The following IMMP2L variants were observed in gnomAD, a reference collection of about 807,000 sequenced individuals.
IMMP2L encodes the protein inner mitochondrial membrane peptidase subunit 2.
Under a neutral mutation model 19.3 loss-of-function variants are expected in IMMP2L, and 18 were observed. That is an observed-to-expected ratio of 0.93 (90% CI 0.64 to 1.38). The LOEUF is 1.38. Ranked by LOEUF, IMMP2L falls within the 40% of genes most tolerant of loss-of-function variation. IMMP2L has a pLI of 0.00. For missense variants in IMMP2L, 233 were observed against 218.2 expected (o/e 1.07, Z -0.43); for synonymous variants, 76 against 73.0 (o/e 1.04, Z -0.21).
At chr7:111,331,070 C>G (rs1027921461) in intron 3 of IMMP2L, among the ~76,000 whole-genome samples, 11 of 151,894 alleles carry the variant, frequency 7.2e-5, no homozygotes, top group African/African-American at 1.4e-4. Flanking sequence ...AGCAATCCCA[C>G]TTCTGGGTGT....
intron 5 of IMMP2L, among the ~76,000 whole-genome samples, chr7:110,790,525 G>A (rs1800392157): frequency 6.6e-6 from 1 of 151,682 alleles, no homozygotes; most frequent in Non-Finnish European, 1.5e-5. Context: ...AATGACAGAG[G>A]TACCTAAGGT....
In IMMP2L at chr7:110,760,732, A is replaced by T. The variant is rs761014617; in HGVS notation, c.409-97011T>A. On this transcript the variant is annotated intron_variant, in intron 5 of 5. Coordinates refer to ENST00000405709, the MANE Select transcript of IMMP2L (RefSeq NM_032549.4). This position sits in a 1 kb window ranked among gnomAD's most constrained non-coding sequence, Gnocchi z 4.2. ...ATTTCAAAATCTCTCATAGCACTTCAATACCTGGAATATCTCAAAAGGTTT... is the reference window on the plus strand; with the variant it reads ...ATTTCAAAATCTCTCATAGCACTTCTATACCTGGAATATCTCAAAAGGTTT... Among the ~76,000 whole-genome samples the T allele has an allele frequency of 2.0e-5, 3 of 152,134 alleles. No homozygotes were observed. Among genetic ancestry groups the T allele is most frequent in the Non-Finnish European group, 4.4e-5 (3 of 68,026 alleles).
intron 3 of IMMP2L, among the ~76,000 whole-genome samples, chr7:111,310,832 C>T (rs1823435036): frequency 6.6e-6 from 1 of 152,102 alleles, no homozygotes; most frequent in Non-Finnish European, 1.5e-5. Flanking sequence ...ACAAGAATGA[C>T]TGGCTCTAGT....
At chr7:111,515,158 G>C (rs1008104565) in intron 2 of IMMP2L, among the ~76,000 whole-genome samples, 1 of 152,048 alleles carries the variant, frequency 6.6e-6, no homozygotes, top group African/African-American at 2.4e-5. Flanking sequence ...ATTCTATAAG[G>C]CCTGGTTGCA....
chr7:110,918,076 A>T (rs1014333096), intron 4 of IMMP2L, among the ~76,000 whole-genome samples: 11 of 152,178 alleles, frequency 7.2e-5, no homozygotes, highest in African/African-American at 2.4e-4. Context: ...AAATTAATGA[A>T]ATATCCCAAT....
chr7:111,392,818 A>G (rs373501217), intron 3 of IMMP2L: 8 of 456,504 alleles, frequency 1.8e-5, no homozygotes, highest in Non-Finnish European at 3.1e-5. Context: ...TGGTGCATTA[A>G]AAGTACCACA....
chr7:110,732,707 G>T (rs187210345), intron 5 of IMMP2L, among the ~76,000 whole-genome samples: 50 of 152,166 alleles, frequency 3.3e-4, no homozygotes, highest in Non-Finnish European at 5.3e-4. Context: ...TGCAGAACAA[G>T]CTACTACATA....
At chr7:111,198,485 T>G (rs532921860) in intron 3 of IMMP2L, among the ~76,000 whole-genome samples, 3 of 152,232 alleles carry the variant, frequency 2.0e-5, no homozygotes, top group Non-Finnish European at 1.5e-5. Flanking sequence ...ACAACATGGG[T>G]GTACCAGGTC....
intron 3 of IMMP2L, among the ~76,000 whole-genome samples, chr7:111,277,132 A>G (rs1055953411): frequency 6.6e-6 from 1 of 152,170 alleles, no homozygotes; most frequent in African/African-American, 2.4e-5. Flanking sequence ...ATTAAACTAA[A>G]AAGCTTCTGC....
intron 3 of IMMP2L, among the ~76,000 whole-genome samples, chr7:110,999,962 G>A (rs1823487061): frequency 6.6e-6 from 1 of 152,190 alleles, no homozygotes; most frequent in Non-Finnish European, 1.5e-5. Flanking sequence ...TCAATTGGCA[G>A]AGTAAGAAGA....
chr7:110,669,979 T>G (rs1363371190), intron 5 of IMMP2L, among the ~76,000 whole-genome samples: 1 of 152,192 alleles, frequency 6.6e-6, no homozygotes, highest in Non-Finnish European at 1.5e-5. Context: ...CATCAATAAG[T>G]AAGTACACAT....
intron 5 of IMMP2L, among the ~76,000 whole-genome samples, chr7:110,816,198 T>C (rs1802500093): frequency 6.6e-6 from 1 of 152,138 alleles, no homozygotes. Flanking sequence ...AGAACATCTT[T>C]ATTTCTGCCT....
chr7:111,281,202 GAAAGAAAGAAAGAAAA>G lies in IMMP2L; in HGVS notation c.239+206020_239+206035del, dbSNP rs1422150357. On this transcript the variant is annotated intron_variant, in intron 3 of 5. Coordinates refer to ENST00000405709, the MANE Select transcript of IMMP2L (RefSeq NM_032549.4). ...AGAAAGAAAGAAAGAAAGAAAGAAAGAAAGAAAGAAAGAAAAAGAAAGAAAGAAAGAAAGAAAGAAA... is the reference window on the plus strand; with the variant it reads ...AGAAAGAAAGAAAGAAAGAAAGAAAGAGAAAGAAAGAAAGAAAGAAAGAAA... Among the ~76,000 whole-genome samples the G allele has an allele frequency of 2.4e-3, 101 of 42,346 alleles. 3 individuals carry two copies. The East Asian group carries it at 0.035, about 15-fold the overall frequency. 27.8% of individuals were successfully genotyped at this position (42,346 alleles called of 152,430 possible). A position where few individuals can be genotyped will look rare whatever the true frequency, so the allele number is the denominator to read the frequency against.
chr7:111,558,034 G>A (rs1791578409), intron 1 of IMMP2L, among the ~76,000 whole-genome samples: 1 of 151,984 alleles, frequency 6.6e-6, no homozygotes, highest in African/African-American at 2.4e-5. Flanking sequence ...TGGTTATTCA[G>A]GTAGTATGAA....
chr7:111,428,527 A>T (rs1285796218), intron 3 of IMMP2L, among the ~76,000 whole-genome samples: 8 of 151,182 alleles, frequency 5.3e-5, no homozygotes, highest in Admixed American at 4.6e-4. Flanking sequence ...AAATGGGTAA[A>T]ATCTTTTAAA....
At chr7:110,773,612 A>G (rs1799180574) in intron 5 of IMMP2L, among the ~76,000 whole-genome samples, 1 of 152,140 alleles carries the variant, frequency 6.6e-6, no homozygotes, top group South Asian at 2.1e-4. Context: ...AAGAGTTATA[A>G]ACACAAAAAC....
intron 4 of IMMP2L, among the ~76,000 whole-genome samples, chr7:110,953,994 G>A (rs142822847): frequency 0.015 from 2,294 of 152,028 alleles, 28 homozygotes; most frequent in Middle Eastern, 0.034. Context: ...CATATCCTTC[G>A]CCCACTTTTT....
At chr7:110,982,061 G>T (rs1821361014) in intron 3 of IMMP2L, among the ~76,000 whole-genome samples, 1 of 152,102 alleles carries the variant, frequency 6.6e-6, no homozygotes, top group Admixed American at 6.5e-5. Flanking sequence ...CTTTTTCAAA[G>T]ACTTTTTAAA....
chr7:110,878,870 T>C (rs1421925098), intron 5 of IMMP2L, among the ~76,000 whole-genome samples: 6 of 152,182 alleles, frequency 3.9e-5, no homozygotes, highest in Non-Finnish European at 8.8e-5. Flanking sequence ...CAGTCATCTT[T>C]GCTGGTTTTA....
Sources: gnomAD v4.1 joint callset for allele counts (sites outside exome capture counted in the v4.1 genomes callset) on GRCh38, gnomAD v4.1.1 for gene constraint, Gnocchi (gnomAD v3.1) non-coding constraint, MANE v1.5 for transcripts, NCBI Gene and HGNC (gene_info 2026-07-23, HGNC 2026-07-21) for gene names.